Variants in KSR2 observed in about 807,000 individuals in gnomAD.
The protein encoded by KSR2 is kinase suppressor of ras 2.
KSR2 carries 25 observed loss-of-function variants against 107.8 expected under a neutral mutation model. That is an observed-to-expected ratio of 0.23 (90% CI 0.17 to 0.32). The LOEUF is 0.32. KSR2 is among the 10% of genes least tolerant of loss of function. KSR2 has a pLI of 1.00. For synonymous variants in KSR2, 480 were observed against 507.0 expected, an observed-to-expected ratio of 0.95 and a Z score of 0.71; for missense variants, 887 against 1,268.9, an observed-to-expected ratio of 0.70 and a Z score of 4.57.
intron 4 of KSR2, among the ~76,000 whole-genome samples, chr12:117,732,870 A>G (rs183659062): frequency 6.6e-6 from 1 of 152,248 alleles, no homozygotes; most frequent in East Asian, 1.9e-4. Context: ...GTAGGCCAGG[A>G]GGCCATGAGA....
intron 3 of KSR2, among the ~76,000 whole-genome samples, chr12:117,819,305 T>A (rs1891482258): frequency 6.6e-6 from 1 of 151,916 alleles, no homozygotes; most frequent in Non-Finnish European, 1.5e-5. Flanking sequence ...CCCAGCAGAG[T>A]TTAGTTGCAT....
chr12:117,789,553 G>A (rs7957795), intron 3 of KSR2, among the ~76,000 whole-genome samples: 86,457 of 152,032 alleles, frequency 0.57, 26,056 homozygotes, highest in East Asian at 0.77. Context: ...AAGGTCACAC[G>A]GTAGAAAGAA....
At chr12:117,933,447 G>A (rs374024731) in intron 1 of KSR2, among the ~76,000 whole-genome samples, 3 of 151,980 alleles carry the variant, frequency 2.0e-5, no homozygotes, top group Non-Finnish European at 2.9e-5. Flanking sequence ...AAAATTAGCC[G>A]GGTGTGGTGG....
intron 1 of KSR2, among the ~76,000 whole-genome samples, chr12:117,922,982 G>C (rs1169642943): frequency 2.6e-5 from 4 of 152,146 alleles, no homozygotes; most frequent in Non-Finnish European, 1.5e-5. Flanking sequence ...ATGATGCCAG[G>C]TGAGATCCAG....
intron 4 of KSR2, among the ~76,000 whole-genome samples, chr12:117,726,656 T>C (rs1393714685): frequency 1.3e-5 from 2 of 152,212 alleles, no homozygotes; most frequent in Admixed American, 6.5e-5. Context: ...TTGCCCCATA[T>C]TGAGAACTAC....
intron 18 of KSR2, among the ~76,000 whole-genome samples, chr12:117,470,227 TCCGGCATGTATCTACACATCTAC>T (rs1871362572): frequency 8.2e-6 from 1 of 121,278 alleles, no homozygotes; most frequent in Non-Finnish European, 1.7e-5. Context: ...CATCCATCCA[TCCGGCATGTATCTACACATCTAC>T]CCATCCATAT....
chr12:117,499,023 T>C (rs1873209043), intron 14 of KSR2, among the ~76,000 whole-genome samples: 1 of 152,164 alleles, frequency 6.6e-6, no homozygotes, highest in Non-Finnish European at 1.5e-5. Flanking sequence ...CAAGCCCAGC[T>C]CAAATTAGTA....
chr12:117,598,841 A>G (rs1026619634), intron 5 of KSR2, among the ~76,000 whole-genome samples: 1 of 152,092 alleles, frequency 6.6e-6, no homozygotes, highest in Non-Finnish European at 1.5e-5. Flanking sequence ...AAAAAAAAAA[A>G]GTCTGTTTAT....
chr12:117,492,615 G>A (rs1367273654), intron 14 of KSR2, among the ~76,000 whole-genome samples: 1 of 152,160 alleles, frequency 6.6e-6, no homozygotes, highest in Admixed American at 6.5e-5. Context: ...CTAATCCCTG[G>A]AACTGGTGAA....
intron 5 of KSR2, among the ~76,000 whole-genome samples, chr12:117,616,056 A>G (rs1293417747): frequency 6.6e-6 from 1 of 150,488 alleles, no homozygotes; most frequent in Non-Finnish European, 1.5e-5. Context: ...TGGGGGGCTG[A>G]GGTGGGAGGA....
intron 14 of KSR2, among the ~76,000 whole-genome samples, chr12:117,509,940 G>A (rs1873927228): frequency 1.3e-5 from 2 of 152,204 alleles, no homozygotes; most frequent in South Asian, 4.1e-4. Context: ...AAAGGGAGAA[G>A]ATGACAAGAG....
chr12:117,753,269 G>A (rs981264702), intron 4 of KSR2, among the ~76,000 whole-genome samples: 9 of 152,186 alleles, frequency 5.9e-5, no homozygotes, highest in African/African-American at 1.7e-4. Flanking sequence ...TTTCATAAGC[G>A]CAGATATGGT....
At chr12:117,522,105 G>A (rs1272345600) in intron 14 of KSR2, among the ~76,000 whole-genome samples, 1 of 152,152 alleles carries the variant, frequency 6.6e-6, no homozygotes, top group Non-Finnish European at 1.5e-5. Flanking sequence ...GGCTATTTGT[G>A]AAATCTGTAG....
At position 117,457,893 on chromosome 12, in the gene KSR2, C is replaced by T. The variant is rs991759056; in HGVS notation, c.*9306G>A. ...TTCCTTTAGATCTTGACTTAAATGT[C>T]ACCTCCTCAGAAAGACCTTTGTCAG... On this transcript the variant is annotated 3_prime_UTR_variant, in exon 20 of 20. Coordinates refer to ENST00000339824, the MANE Select transcript of KSR2 (RefSeq NM_173598.6). 13 of 152,212 alleles carry T rather than the reference C, an allele frequency of 8.5e-5. No homozygotes were observed. Among genetic ancestry groups the T allele is most frequent in the African/African-American group, 2.9e-4 (12 of 41,440 alleles). The allele number at this position is 152,212 out of a possible 1,614,324, so 9.4% of individuals were successfully genotyped here. A position where few individuals can be genotyped will look rare whatever the true frequency, so the allele number is the denominator to read the frequency against.
chr12:117,524,997 G>T lies in KSR2; in HGVS notation c.2074C>A (p.Arg692=). The change falls in exon 14 of 20, where the codon CGG becomes AGG. Residue 692 remains arginine (R), a synonymous_variant. Coordinates refer to ENST00000339824, the MANE Select transcript of KSR2 (RefSeq NM_173598.6). The part of the protein sequence containing the change: ...HGRWHGEVAI[R]LIDIERDNED... ...TTGTCCCTCTCAATGTCAATCAGCC[G>T]GATGGCCACCTCGCCATGCCAGCGG... 4 of 1,613,892 alleles carry T rather than the reference G, an allele frequency of 2.5e-6. No homozygotes were observed. Among genetic ancestry groups the T allele is most frequent in the Non-Finnish European group, 3.4e-6 (4 of 1,179,876 alleles).
chr12:117,661,397 T>C (rs938177148), intron 5 of KSR2, among the ~76,000 whole-genome samples: 1 of 152,078 alleles, frequency 6.6e-6, no homozygotes, highest in African/African-American at 2.4e-5. Context: ...TAAGAGAGTA[T>C]GCAGCCTAGT....
chr12:117,661,741 G>A (rs1341281310), intron 5 of KSR2, among the ~76,000 whole-genome samples: 1 of 152,116 alleles, frequency 6.6e-6, no homozygotes, highest in Non-Finnish European at 1.5e-5. Context: ...CAAGCTTTGG[G>A]ATGCTGCTGC....
intron 4 of KSR2, among the ~76,000 whole-genome samples, chr12:117,688,101 C>T (rs541679219): frequency 5.3e-5 from 8 of 152,286 alleles, no homozygotes; most frequent in Non-Finnish European, 7.3e-5. Flanking sequence ...GTCTATTGGC[C>T]GGGTGTGGTG....
Position 117,476,456 on chromosome 12 carries a change from C to A in KSR2, c.2582+8G>T. ...TGGCTCTCAATGGCCAGGGCAGGGC[C>A]CACTTACCCAAGGGCAAAGACGTCA... On this transcript the variant is annotated splice_region_variant and intron_variant, in intron 17 of 19. Coordinates refer to ENST00000339824, the MANE Select transcript of KSR2 (RefSeq NM_173598.6). 1 of 1,590,940 alleles carries A rather than the reference C, an allele frequency of 6.3e-7. No homozygotes were observed.
Sources: allele counts gnomAD v4.1 joint callset (sites outside exome capture counted in the v4.1 genomes callset), GRCh38; gene constraint gnomAD v4.1.1; transcripts MANE v1.5; gene names NCBI Gene and HGNC (gene_info 2026-07-23, HGNC 2026-07-21).